Variants in RHAG observed in about 807,000 individuals in gnomAD.
RHAG encodes the protein ammonium transporter Rh type A.
In RHAG, 25 loss-of-function variants were observed where a neutral mutation model predicts 42.4. The observed-to-expected ratio is 0.59, with a 90% CI of 0.43 to 0.82. The LOEUF (loss-of-function observed/expected upper bound fraction) is 0.82. Ranked by LOEUF, RHAG falls within the 40% of genes least tolerant of loss-of-function variation. The pLI is 0.00. For synonymous variants in RHAG, 182 were observed against 177.7 expected, an observed-to-expected ratio of 1.02 and a Z score of -0.19; for missense variants, 483 against 504.6, an observed-to-expected ratio of 0.96 and a Z score of 0.41.
chr6:49,607,176 G>A lies in RHAG; in HGVS notation c.1112C>T (p.Thr371Ile), dbSNP rs1762486468. 1 of 1,613,680 alleles carries A rather than the reference G, an allele frequency of 6.2e-7. No homozygotes were observed. Among genetic ancestry groups the A allele is most frequent in the Admixed American group, 1.7e-5 (1 of 59,936 alleles). Residue 371 changes from threonine (T) to isoleucine (I), a missense_variant, in exon 8 of 10, where the codon ACA (threonine) becomes ATA (isoleucine). Thr to Ile is a moderately conservative substitution (Grantham distance 89, BLOSUM62 -1). Coordinates refer to ENST00000371175, the MANE Select transcript of RHAG (RefSeq NM_000324.3). ...TGTCATCAGACCTCCAACAACTGCT[G>A]TTCCGATAGAGGAACCCAGTGCAGC... The part of the protein sequence containing the change: ...QAAALGSSIG[T>I]AVVGGLMTGL...
At chr6:49,618,445 C>A (rs1762693311) in intron 2 of RHAG, among the ~76,000 whole-genome samples, 4 of 152,262 alleles carry the variant, frequency 2.6e-5, no homozygotes, top group Admixed American at 6.5e-5. Context: ...ATTCTTTGAT[C>A]TAATAAGTGA....
chr6:49,612,680 A>G (rs1762587496), intron 5 of RHAG, 146 bp from the exon 6 acceptor site: 4 of 987,430 alleles, frequency 4.1e-6, no homozygotes, highest in Non-Finnish European at 6.2e-6. Flanking sequence ...GTTTGTTTGG[A>G]TTTATAGAAG....
chr6:49,623,966 A>G (rs1762802748), intron 1 of RHAG, among the ~76,000 whole-genome samples: 1 of 152,160 alleles, frequency 6.6e-6, no homozygotes, highest in Non-Finnish European at 1.5e-5. Flanking sequence ...CCAGGTGCCT[A>G]CATTTTCCTT....
chr6:49,619,098 A>G lies in RHAG; in HGVS notation c.341+81T>C, dbSNP rs1250069281. The G allele has an allele frequency of 3.4e-6, 5 of 1,490,620 alleles. 1 individual carries two copies. The African/African-American group carries it at 6.9e-5, about 21-fold the overall frequency. 92.3% of individuals were successfully genotyped at this position (1,490,620 alleles called of 1,614,324 possible). ...CACCTCCCCAGTCCCCCACCTCTTA[A>G]TATCATCATGTTGGAGGTTAAGAGT... is the stretch of plus-strand genomic sequence containing the variant. On this transcript the variant is annotated intron_variant, in intron 2 of 9. Coordinates refer to ENST00000371175, the MANE Select transcript of RHAG (RefSeq NM_000324.3).
At chr6:49,629,734 G>A (rs924733259) in intron 1 of RHAG, among the ~76,000 whole-genome samples, 9 of 152,222 alleles carry the variant, frequency 5.9e-5, no homozygotes, top group Admixed American at 6.5e-5. Flanking sequence ...CGAGCGCAGC[G>A]CAGGTGGGCT....
intron 1 of RHAG, among the ~76,000 whole-genome samples, chr6:49,628,570 G>C (rs1238825588): frequency 2.0e-5 from 3 of 152,048 alleles, no homozygotes; most frequent in Non-Finnish European, 4.4e-5. Flanking sequence ...CCTTCTGGTG[G>C]GTTCGTGGTC....
chr6:49,624,530 A>G (rs763525778), intron 1 of RHAG, among the ~76,000 whole-genome samples: 3 of 152,208 alleles, frequency 2.0e-5, no homozygotes, highest in Non-Finnish European at 1.5e-5. Flanking sequence ...GAGGCATCAC[A>G]CTGATCAAAG....
intron 1 of RHAG, among the ~76,000 whole-genome samples, chr6:49,621,664 CCCA>C (rs1157006365): frequency 7.9e-5 from 12 of 152,066 alleles, no homozygotes; most frequent in Admixed American, 6.6e-5. Context: ...TGATTTGTCA[CCCA>C]CCATTTAATT....
At chr6:49,613,366 G>A (rs552266290) in intron 5 of RHAG, among the ~76,000 whole-genome samples, 18 of 152,234 alleles carry the variant, frequency 1.2e-4, no homozygotes, top group South Asian at 2.1e-4. Flanking sequence ...CACTGTGCCC[G>A]GACAGGAATC....
intron 7 of RHAG, among the ~76,000 whole-genome samples, chr6:49,610,539 T>G (rs150567151): frequency 6.6e-6 from 1 of 152,314 alleles, no homozygotes; most frequent in African/African-American, 2.4e-5. Context: ...TGCTGAGTGA[T>G]ACCTCAGAGG....
intron 3 of RHAG, among the ~76,000 whole-genome samples, chr6:49,616,997 C>T (rs1762668092): frequency 6.6e-6 from 1 of 152,204 alleles, no homozygotes. Flanking sequence ...AAATAACCTT[C>T]TCTGTTTTTC....
rs376868146 is a variant in RHAG, at chr6:49,614,731, A to C, written c.763T>G (p.Phe255Val). Residue 255 changes from phenylalanine to valine, a missense_variant, in exon 5 of 10, where the codon TTT (phenylalanine) becomes GTT (valine). Coordinates refer to ENST00000371175, the MANE Select transcript of RHAG (RefSeq NM_000324.3). ...TGCTCCACTAGGCTGGAGAAGGCAA[A>C]GGCTGTGAGCACACAGGCAGCGAGA... ...FSLAACVLTA[F>V]AFSSLVEHRG... The C allele has an allele frequency of 2.5e-6, 4 of 1,614,072 alleles. No homozygotes were observed. The highest frequency in any genetic ancestry group is 3.4e-6 in the Non-Finnish European group (4 of 1,180,012).
rs553937258 is a variant in RHAG, at chr6:49,616,589, C to T, written c.493-818G>A. On this transcript the variant is annotated intron_variant, in intron 3 of 9. Coordinates refer to ENST00000371175, the MANE Select transcript of RHAG (RefSeq NM_000324.3). ...TCTTTAGGATATGATGTGGTTTTGA[C>T]CCAGTTTTCTACATTTCTTTCCTCT... 3.9e-5 allele frequency among the ~76,000 whole-genome samples: 6 copies of T among 152,088 alleles called. No homozygotes were observed. The South Asian group carries it at 1.2e-3, about 32-fold the overall frequency.
chr6:49,626,243 C>T (rs1261142402), intron 1 of RHAG, among the ~76,000 whole-genome samples: 1 of 152,168 alleles, frequency 6.6e-6, no homozygotes, highest in Non-Finnish European at 1.5e-5. Context: ...AAGTCCCTTC[C>T]ACCTGTGAGT....
chr6:49,612,379 A>G lies in RHAG; in HGVS notation c.945+18T>C. On this transcript the variant is annotated intron_variant, in intron 6 of 9. Coordinates refer to ENST00000371175, the MANE Select transcript of RHAG (RefSeq NM_000324.3). ...GGTGCAGATTCAGAGTTTGACTCAG[A>G]ACATCTGCTGTACTTACAGTCAGGA... The G allele has an allele frequency of 1.2e-6, 2 of 1,613,792 alleles. No individual in the cohort carries two copies. The highest frequency in any genetic ancestry group is 1.7e-6 in the Non-Finnish European group (2 of 1,179,670).
Position 49,627,443 on chromosome 6 carries a change from C to A in RHAG, c.158-8081G>T, listed in dbSNP as rs188063219. ...CACCATTTTGGTCTAAGCCATTTAA[C>A]AAGTCTCAAGGAACTTCCAAACTTT... is the stretch of plus-strand genomic sequence containing the variant. On this transcript the variant is annotated intron_variant, in intron 1 of 9. Coordinates refer to ENST00000371175, the MANE Select transcript of RHAG (RefSeq NM_000324.3). Among the ~76,000 whole-genome samples the A allele has an allele frequency of 4.1e-4, 62 of 152,268 alleles. 2 individuals are homozygous for A. Among genetic ancestry groups the A allele is most frequent in the Non-Finnish European group, 1.5e-5 (1 of 68,020 alleles).
chr6:49,615,780 C>T lies in RHAG; in HGVS notation c.493-9G>A. 6.2e-7 allele frequency: 1 copy of T among 1,613,700 alleles called. No individual in the cohort carries two copies. The highest frequency in any genetic ancestry group is 8.5e-7 in the Non-Finnish European group (1 of 1,179,810). ...GCTCCAATGTCAGAGGCCTGAGGGA[C>T]AAAATAGCATTCACATAAATAGAGG... On this transcript the variant is annotated splice_polypyrimidine_tract_variant and intron_variant, in intron 3 of 9. Transcript: ENST00000371175.
Position 49,605,527 on chromosome 6 carries a change from T to C in RHAG, c.*286A>G, listed in dbSNP as rs986803011. 2.0e-6 allele frequency: 1 copy of C among 492,514 alleles called. No homozygotes were observed. The highest frequency in any genetic ancestry group is 1.9e-5 in the African/African-American group (1 of 51,356). 30.5% of individuals were successfully genotyped at this position (492,514 alleles called of 1,614,324 possible). A position where few individuals can be genotyped will look rare whatever the true frequency, so the allele number is the denominator to read the frequency against. ...TATTTACTCACTGCCAAAAGCTTTT[T>C]GGGAATCCTGGAGAAGATCTATTTG... On this transcript the variant is annotated 3_prime_UTR_variant, in exon 10 of 10. Coordinates refer to ENST00000371175, the MANE Select transcript of RHAG (RefSeq NM_000324.3).
At chr6:49,619,388 T>C in intron 1 of RHAG, 26 bp from the exon 2 acceptor site, 1 of 1,599,132 alleles carries the variant, frequency 6.3e-7, no homozygotes, top group South Asian at 1.1e-5. Flanking sequence ...GGAAAAAATA[T>C]CTGCATTATG....
Sources: allele counts gnomAD v4.1 joint callset (sites outside exome capture counted in the v4.1 genomes callset), GRCh38; gene constraint gnomAD v4.1.1; transcripts MANE v1.5; gene names NCBI Gene and HGNC (gene_info 2026-07-23, HGNC 2026-07-21).